IL1RAPL1: variants seen among roughly 807,000 people sequenced by gnomAD.
IL1RAPL1 encodes the protein interleukin 1 receptor accessory protein like 1.
IL1RAPL1 carries 3 observed loss-of-function variants against 48.4 expected under a neutral mutation model. That is an observed-to-expected ratio of 0.06 (90% CI 0.03 to 0.16). The LOEUF (loss-of-function observed/expected upper bound fraction) is 0.16. Ranked by LOEUF, IL1RAPL1 falls within the 10% of genes least tolerant of loss-of-function variation. The pLI is 1.00. For missense variants in IL1RAPL1, 349 were observed against 530.6 expected (o/e 0.66, Z 3.36); for synonymous variants, 185 against 187.7 (o/e 0.99, Z 0.12).
chrX:29,388,365 A>AAT (rs1933811143), intron 3 of IL1RAPL1, among the ~76,000 whole-genome samples: 1 of 30,200 alleles, frequency 3.3e-5, no homozygotes, highest in East Asian at 3.9e-4. Flanking sequence ...GATTAAAAAA[A>AAT]ATATATATAT....
At chrX:29,714,725 A>G (rs1482245821) in intron 6 of IL1RAPL1, among the ~76,000 whole-genome samples, 1 of 111,658 alleles carries the variant, frequency 9.0e-6, no homozygotes, top group African/African-American at 3.3e-5. Context: ...CAGAAGCTCT[A>G]TGTCTGGAAA....
At chrX:29,176,645 G>A (rs1829913549) in intron 2 of IL1RAPL1, among the ~76,000 whole-genome samples, 1 of 110,820 alleles carries the variant, frequency 9.0e-6, no homozygotes, top group Admixed American at 9.7e-5. Flanking sequence ...AGCAACTTAA[G>A]GGATCCATAC....
intron 2 of IL1RAPL1, among the ~76,000 whole-genome samples, chrX:29,006,102 A>G (rs763184956): frequency 2.2e-4 from 24 of 111,574 alleles, no homozygotes; most frequent in South Asian, 1.9e-3. Flanking sequence ...GAATGCATCA[A>G]TGGGCTTCCT....
At chrX:29,541,150 A>G (rs1326878242) in intron 5 of IL1RAPL1, among the ~76,000 whole-genome samples, 2 of 112,453 alleles carry the variant, frequency 1.8e-5, no homozygotes, top group Non-Finnish European at 3.8e-5. Flanking sequence ...AAAAGAAGAC[A>G]TATAAGTGAC....
At chrX:29,883,567 C>T (rs139351733) in intron 6 of IL1RAPL1, among the ~76,000 whole-genome samples, 1,849 of 112,267 alleles carry the variant, frequency 0.016, 30 homozygotes, top group African/African-American at 0.052. Context: ...CTGCCCCCTT[C>T]GTTTTCCATG....
intron 6 of IL1RAPL1, among the ~76,000 whole-genome samples, chrX:29,802,872 TAC>T (rs1569172994): frequency 1.7e-4 from 15 of 89,857 alleles, no homozygotes; most frequent in African/African-American, 6.0e-4. Context: ...TACATATGTA[TAC>T]ATATATGTAT....
chrX:28,737,418 A>G (rs934189627), intron 1 of IL1RAPL1, among the ~76,000 whole-genome samples: 53 of 108,177 alleles, frequency 4.9e-4, no homozygotes, highest in African/African-American at 1.8e-3. Flanking sequence ...CACCATGCCC[A>G]GCTAATTTTT....
rs1341049194 is a variant in IL1RAPL1 at position 29,379,935 on chromosome X, C to G, written c.363-16323C>G. ...CCTCTCCCTTCCCTACCCTTCCCTG[C>G]CTCTGATAACCACTATTCTACTCTT... is the stretch of plus-strand genomic sequence containing the variant. On this transcript the variant is annotated intron_variant, in intron 3 of 10. Coordinates refer to ENST00000378993, the MANE Select transcript of IL1RAPL1 (RefSeq NM_014271.4). Among the ~76,000 whole-genome samples the G allele has an allele frequency of 1.4e-4, 15 of 110,268 alleles. No individual in the cohort carries two copies. The Admixed American group carries it at 1.4e-3, about 10-fold the overall frequency.
At chrX:28,891,412 A>T (rs775343509) in intron 2 of IL1RAPL1, among the ~76,000 whole-genome samples, 17 of 112,108 alleles carry the variant, frequency 1.5e-4, no homozygotes, top group Non-Finnish European at 3.8e-5. Flanking sequence ...GCATCACTAC[A>T]AACACTTTTA....
chrX:29,024,752 G>T (rs1569221629), intron 2 of IL1RAPL1, among the ~76,000 whole-genome samples: 1 of 111,337 alleles, frequency 9.0e-6, no homozygotes, highest in Non-Finnish European at 1.9e-5. Context: ...TCCATCCAAA[G>T]CTTTCTGGCT....
chrX:29,502,994 T>C (rs141695307), intron 5 of IL1RAPL1, among the ~76,000 whole-genome samples: 1,200 of 111,616 alleles, frequency 0.011, 13 homozygotes, highest in African/African-American at 0.037. Flanking sequence ...TTTCTTCACA[T>C]TTTCTATTTC....
chrX:28,721,880 G>T (rs1349434079), intron 1 of IL1RAPL1, among the ~76,000 whole-genome samples: 1 of 110,860 alleles, frequency 9.0e-6, no homozygotes, highest in East Asian at 2.8e-4. Flanking sequence ...GTTTTTGTCA[G>T]GTTTGTCAAA....
At chrX:29,620,763 A>G (rs1924435234) in intron 5 of IL1RAPL1, among the ~76,000 whole-genome samples, 1 of 112,046 alleles carries the variant, frequency 8.9e-6, no homozygotes, top group African/African-American at 3.2e-5. Context: ...AAATGCCTGG[A>G]GAGAAAAAAT....
At chrX:29,863,339 A>G (rs1197670611) in intron 6 of IL1RAPL1, among the ~76,000 whole-genome samples, 1 of 112,093 alleles carries the variant, frequency 8.9e-6, no homozygotes, top group Non-Finnish European at 1.9e-5. Flanking sequence ...TGTGAGTGTA[A>G]TTAGAAAGCG....
In IL1RAPL1 at chrX:28,884,073, C is replaced by G. The variant is rs138102557; in HGVS notation, c.82+94648C>G. The stretch of plus-strand genomic sequence containing the variant: ...ATAGCATTGGGAGATATACCTAATG[C>G]TAGATGACGAGTTAGTGGGTGCAGC... On this transcript the variant is annotated intron_variant, in intron 2 of 10. Coordinates refer to ENST00000378993, the MANE Select transcript of IL1RAPL1 (RefSeq NM_014271.4). Among the ~76,000 whole-genome samples the G allele has an allele frequency of 9.6e-4, 107 of 111,598 alleles. 4 individuals carry two copies. In the East Asian group the frequency reaches 0.03, roughly 31 times the overall value.
rs34962805 is a variant in IL1RAPL1, at chrX:29,691,772, A to AAAAAAAAAAG, written c.778+23268_778+23269insAAAAAAAAAG. On this transcript the variant is annotated intron_variant, in intron 6 of 10. Transcript: ENST00000378993. Reference sequence around the variant, plus strand: ...TCTCAAAAAAAAAAAAAAAAAAAAAACTCACTATACTGTTTTCTGCTGCTA... The same window carrying AAAAAAAAAAG: ...TCTCAAAAAAAAAAAAAAAAAAAAAAAAAAAAAAAGCTCACTATACTGTTTTCTGCTGCTA... Among the ~76,000 whole-genome samples the AAAAAAAAAAG allele has an allele frequency of 6.7e-5, 6 of 90,135 alleles. 1 individual carries two copies. The highest frequency in any genetic ancestry group is 6.2e-5 in the Non-Finnish European group (3 of 48,495). 78.3% of individuals were successfully genotyped at this position (90,135 alleles called of 115,157 possible).
chrX:29,802,881 G>A (rs866478851), intron 6 of IL1RAPL1, among the ~76,000 whole-genome samples: 10 of 77,564 alleles, frequency 1.3e-4, no homozygotes, highest in African/African-American at 4.8e-4. Flanking sequence ...ATACATATAT[G>A]TATATATGTA....
At chrX:29,886,180 T>C (rs1194232976) in intron 6 of IL1RAPL1, among the ~76,000 whole-genome samples, 1 of 112,349 alleles carries the variant, frequency 8.9e-6, no homozygotes, top group African/African-American at 3.2e-5. Flanking sequence ...GTCGTAGATT[T>C]AACTCAGTGT....
At chrX:29,508,816 G>C (rs1206153034) in intron 5 of IL1RAPL1, among the ~76,000 whole-genome samples, 1 of 111,771 alleles carries the variant, frequency 8.9e-6, no homozygotes, top group African/African-American at 3.3e-5. Flanking sequence ...CAGGTTTCTA[G>C]GTACAGTCTT....
Sources: allele counts gnomAD v4.1 joint callset (sites outside exome capture counted in the v4.1 genomes callset), GRCh38; gene constraint gnomAD v4.1.1; transcripts MANE v1.5; gene names NCBI Gene and HGNC (gene_info 2026-07-23, HGNC 2026-07-21).